Variants in SPATA16 observed in about 807,000 individuals in gnomAD.
SPATA16 encodes spermatogenesis-associated protein 16.
SPATA16 carries 36 observed loss-of-function variants against 63.3 expected under a neutral mutation model. The observed-to-expected ratio is 0.57, with a 90% confidence interval of 0.44 to 0.75. The LOEUF (loss-of-function observed/expected upper bound fraction) is 0.75, where lower values mean the gene tolerates loss of function less well. Ranked by LOEUF, SPATA16 falls within the 30% of genes least tolerant of loss-of-function variation. SPATA16 has a pLI of 0.00. For missense variants in SPATA16, 646 were observed against 679.3 expected, an observed-to-expected ratio of 0.95 and a Z score of 0.54; for synonymous variants, 203 against 216.7, an observed-to-expected ratio of 0.94 and a Z score of 0.56.
At chr3:172,923,835 G>T (rs1577090919) in intron 8 of SPATA16, among the ~76,000 whole-genome samples, 1 of 152,206 alleles carries the variant, frequency 6.6e-6, no homozygotes, top group Non-Finnish European at 1.5e-5. Context: ...TGTAGGTAAT[G>T]AGATGGTTAT....
rs1291047439 is a variant in SPATA16 at position 173,017,611 on chromosome 3, TAC to T, written c.848+1873_848+1874del. 1.7e-4 allele frequency among the ~76,000 whole-genome samples: 26 copies of T among 152,326 alleles called. No homozygotes were observed. The South Asian group carries it at 2.9e-3, about 17-fold the overall frequency. On this transcript the variant is annotated intron_variant, in intron 4 of 10. Transcript: ENST00000351008. ...TTCTCCCAGCATTGCTAATTTCTCC[TAC>T]AGTTTAGCAACTAGCTCGCTCCGAA...
chr3:173,057,288 A>G (rs1736259256), intron 2 of SPATA16, among the ~76,000 whole-genome samples: 5 of 150,902 alleles, frequency 3.3e-5, no homozygotes. Flanking sequence ...ATTTTTTTGT[A>G]TTTTTTAGTA....
At chr3:173,020,096 G>A (rs975999700) in intron 3 of SPATA16, among the ~76,000 whole-genome samples, 1 of 151,908 alleles carries the variant, frequency 6.6e-6, no homozygotes, top group African/African-American at 2.4e-5. Flanking sequence ...ATGAGTTCAA[G>A]AACAGCCTGG....
intron 10 of SPATA16, among the ~76,000 whole-genome samples, chr3:172,904,397 G>T (rs1461289094): frequency 6.6e-6 from 1 of 152,144 alleles, no homozygotes; most frequent in Non-Finnish European, 1.5e-5. Context: ...GATTAGCTTT[G>T]TCTGCCCCTT....
At chr3:173,052,159 C>T (rs1163675525) in intron 2 of SPATA16, among the ~76,000 whole-genome samples, 1 of 152,082 alleles carries the variant, frequency 6.6e-6, no homozygotes, top group African/African-American at 2.4e-5. Context: ...GAGTAGTTTC[C>T]ATGAGGACAT....
intron 8 of SPATA16, 43 bp from the exon 9 acceptor site, chr3:172,916,524 A>C (rs1245083411): frequency 1.1e-5 from 17 of 1,606,330 alleles, no homozygotes; most frequent in South Asian, 3.3e-5. Flanking sequence ...AAAACCACGG[A>C]AATAGACCTC....
chr3:173,029,473 A>G (rs1171708010), intron 3 of SPATA16, among the ~76,000 whole-genome samples: 1 of 149,932 alleles, frequency 6.7e-6, no homozygotes, highest in Non-Finnish European at 1.5e-5. Context: ...TGAACCATAG[A>G]TCCCAGATGG....
At chr3:172,973,375 G>T (rs938613678) in intron 5 of SPATA16, among the ~76,000 whole-genome samples, 2 of 152,168 alleles carry the variant, frequency 1.3e-5, no homozygotes, top group Non-Finnish European at 2.9e-5. Flanking sequence ...AACCATTAAG[G>T]TAGGGGATGA....
intron 8 of SPATA16, among the ~76,000 whole-genome samples, chr3:172,920,898 C>T (rs1241416245): frequency 1.3e-5 from 2 of 152,088 alleles, no homozygotes; most frequent in Non-Finnish European, 2.9e-5. Flanking sequence ...TTTTGGGTCT[C>T]CTGCTGTTAT....
At chr3:172,956,889 A>C (rs1371632067) in intron 5 of SPATA16, 65 bp from the exon 6 acceptor site, 51 of 1,574,190 alleles carry the variant, frequency 3.2e-5, no homozygotes, top group Non-Finnish European at 3.9e-5. Flanking sequence ...GAATGTAAAA[A>C]ATATAATTAC....
intron 4 of SPATA16, among the ~76,000 whole-genome samples, chr3:172,981,490 G>A (rs1277184938): frequency 6.6e-6 from 1 of 152,066 alleles, no homozygotes; most frequent in Non-Finnish European, 1.5e-5. Flanking sequence ...TCCTGACAGG[G>A]TCCATCCTGC....
intron 10 of SPATA16, among the ~76,000 whole-genome samples, chr3:172,897,954 T>C (rs1732042813): frequency 2.0e-5 from 3 of 152,024 alleles, no homozygotes; most frequent in Admixed American, 1.3e-4. Flanking sequence ...CTGAGTATTT[T>C]TTAAATCATA....
chr3:173,058,009 T>C (rs890268777), intron 2 of SPATA16, among the ~76,000 whole-genome samples: 3 of 152,096 alleles, frequency 2.0e-5, no homozygotes, highest in Admixed American at 2.0e-4. Context: ...TCAGAAATTA[T>C]AAAGAAAAGA....
At chr3:172,944,316 C>T (rs1733231200) in intron 6 of SPATA16, among the ~76,000 whole-genome samples, 2 of 152,170 alleles carry the variant, frequency 1.3e-5, no homozygotes, top group South Asian at 2.1e-4. Flanking sequence ...TGAGATACCA[C>T]TTCATATCTG....
intron 5 of SPATA16, among the ~76,000 whole-genome samples, chr3:172,972,003 G>T (rs751966771): frequency 2.0e-5 from 3 of 152,158 alleles, no homozygotes; most frequent in Non-Finnish European, 4.4e-5. Flanking sequence ...TGAGCATGTG[G>T]CTGTGGAAAA....
chr3:172,934,789 G>A (rs1256306681), intron 6 of SPATA16, among the ~76,000 whole-genome samples: 1 of 152,044 alleles, frequency 6.6e-6, no homozygotes, highest in African/African-American at 2.4e-5. Context: ...GAGATGAGAT[G>A]CTTCTTTATA....
rs1735840295 is a variant in SPATA16 at position 173,041,536 on chromosome 3, C to T, written c.758+7413G>A. On this transcript the variant is annotated intron_variant, in intron 3 of 10. Transcript: ENST00000351008. ...TAAGAGATATATGCAGGTAAGATTA[C>T]ATCCTTTCCTTTTGTGTTCCCAATT... Among the ~76,000 whole-genome samples, 4 of 152,136 alleles carry T rather than the reference C, an allele frequency of 2.6e-5. No homozygotes were observed. In the South Asian group the frequency reaches 8.3e-4, roughly 32 times the overall value.
At chr3:172,905,723 G>T (rs561486135) in intron 10 of SPATA16, among the ~76,000 whole-genome samples, 1 of 146,060 alleles carries the variant, frequency 6.8e-6, no homozygotes, top group Non-Finnish European at 1.5e-5. Flanking sequence ...AGGAACACAA[G>T]AAGCAAAATA....
Position 172,891,692 on chromosome 3 carries a change from A to G in SPATA16, c.1588-2000T>C, listed in dbSNP as rs1454060464. ...TAACATCAATCCATCTGCTTTAGCCATGTGGGACATCTCTCAATTATCTGA... is the reference window on the plus strand; with the variant it reads ...TAACATCAATCCATCTGCTTTAGCCGTGTGGGACATCTCTCAATTATCTGA... On this transcript the variant is annotated intron_variant, in intron 10 of 10. Coordinates refer to ENST00000351008, the MANE Select transcript of SPATA16 (RefSeq NM_031955.6). Among the ~76,000 whole-genome samples, 5 of 152,180 alleles carry G rather than the reference A, an allele frequency of 3.3e-5. 1 individual carries two copies. Among genetic ancestry groups the G allele is most frequent in the Admixed American group, 6.5e-5 (1 of 15,274 alleles).
Sources: allele counts gnomAD v4.1 joint callset (sites outside exome capture counted in the v4.1 genomes callset), GRCh38; gene constraint gnomAD v4.1.1; transcripts MANE v1.5; gene names NCBI Gene and HGNC (gene_info 2026-07-23, HGNC 2026-07-21).